CTNNA3: variants seen among roughly 807,000 people sequenced by gnomAD.
The protein encoded by CTNNA3 is catenin alpha-3.
CTNNA3 carries 76 observed loss-of-function variants against 95.7 expected under a neutral mutation model. That is an observed-to-expected ratio of 0.79 (90% confidence interval 0.66 to 0.96). The LOEUF is 0.96. Among genes scored for constraint, CTNNA3 ranks in the 40% least tolerant of loss-of-function variants. CTNNA3 has a pLI of 0.00. For missense variants in CTNNA3, 1,191 were observed against 1,089.8 expected (o/e 1.09, Z -1.31); for synonymous variants, 431 against 374.4 (o/e 1.15, Z -1.74).
At chr10:67,680,395 T>C (rs1389468629) in intron 1 of CTNNA3, among the ~76,000 whole-genome samples, 1 of 152,176 alleles carries the variant, frequency 6.6e-6, no homozygotes, top group East Asian at 1.9e-4. Context: ...GAGCAATAAA[T>C]TGACTGAAAT....
At chr10:65,965,820 A>G (rs1274954257) in intron 17 of CTNNA3, among the ~76,000 whole-genome samples, 2 of 152,176 alleles carry the variant, frequency 1.3e-5, no homozygotes, top group African/African-American at 2.4e-5. Context: ...TTACAGACAT[A>G]TAAATATACT....
chr10:67,368,914 T>C (rs1223080366), intron 5 of CTNNA3, among the ~76,000 whole-genome samples: 3 of 152,112 alleles, frequency 2.0e-5, no homozygotes, highest in Non-Finnish European at 4.4e-5. Context: ...GAGAAAACTT[T>C]AGGGAGAGAT....
intron 13 of CTNNA3, among the ~76,000 whole-genome samples, chr10:66,127,210 T>A (rs2082868889): frequency 6.9e-6 from 1 of 145,690 alleles, no homozygotes; most frequent in Admixed American, 7.1e-5. Context: ...AGGCGGAGCT[T>A]GCAGTGAGCT....
chr10:67,199,433 A>C (rs1863532878), intron 6 of CTNNA3, among the ~76,000 whole-genome samples: 6 of 151,942 alleles, frequency 3.9e-5, no homozygotes, highest in Admixed American at 3.9e-4. Flanking sequence ...GCAGTGGCGC[A>C]TTCTTGGCTC....
intron 15 of CTNNA3, among the ~76,000 whole-genome samples, chr10:66,039,397 A>T (rs1041239725): frequency 6.6e-6 from 1 of 152,210 alleles, no homozygotes; most frequent in Admixed American, 6.5e-5. Flanking sequence ...TTTGAAATTC[A>T]TATGAAACCA....
chr10:67,242,318 A>G (rs539568517), intron 5 of CTNNA3, among the ~76,000 whole-genome samples: 1 of 152,348 alleles, frequency 6.6e-6, no homozygotes, highest in East Asian at 1.9e-4. Flanking sequence ...GAATATTTCA[A>G]TCTAACTTTG....
At chr10:66,806,988 G>T (rs1431245961) in intron 7 of CTNNA3, among the ~76,000 whole-genome samples, 2 of 152,094 alleles carry the variant, frequency 1.3e-5, no homozygotes, top group African/African-American at 4.8e-5. Context: ...AAAACACAGA[G>T]AATAGGATGA....
chr10:66,248,187 A>G (rs2090412721), intron 13 of CTNNA3, among the ~76,000 whole-genome samples: 1 of 152,162 alleles, frequency 6.6e-6, no homozygotes. Context: ...GTTTAAAATA[A>G]TAGATTATAA....
chr10:67,102,985 G>GTCTTTA (rs1858427487), intron 7 of CTNNA3, among the ~76,000 whole-genome samples: 1 of 151,588 alleles, frequency 6.6e-6, no homozygotes, highest in Non-Finnish European at 1.5e-5. Context: ...AATTTTATTT[G>GTCTTTA]TTTAAACTTT....
intron 12 of CTNNA3, among the ~76,000 whole-genome samples, chr10:66,349,779 T>A (rs1040831970): frequency 1.3e-5 from 2 of 152,100 alleles, no homozygotes; most frequent in Non-Finnish European, 2.9e-5. Flanking sequence ...GGTGGTTTTA[T>A]GGTCATAAGT....
chr10:67,012,075 G>A (rs1479309200), intron 7 of CTNNA3, among the ~76,000 whole-genome samples: 1 of 152,120 alleles, frequency 6.6e-6, no homozygotes, highest in Non-Finnish European at 1.5e-5. Context: ...AAAATCACAA[G>A]CTCCGTAGAT....
chr10:67,502,671 G>C (rs369646689), intron 5 of CTNNA3, among the ~76,000 whole-genome samples: 1 of 152,232 alleles, frequency 6.6e-6, no homozygotes, highest in Non-Finnish European at 1.5e-5. Context: ...CCTGCCCAGA[G>C]AGGAGGAATC....
intron 11 of CTNNA3, among the ~76,000 whole-genome samples, chr10:66,493,396 C>T (rs1036560905): frequency 1.3e-5 from 2 of 152,052 alleles, no homozygotes; most frequent in Non-Finnish European, 2.9e-5. Context: ...TTTCTAAACT[C>T]ATAAGAGCTG....
intron 7 of CTNNA3, among the ~76,000 whole-genome samples, chr10:67,052,310 A>ATC (rs1238182355): frequency 4.7e-4 from 44 of 92,826 alleles, no homozygotes; most frequent in African/African-American, 1.9e-3. Flanking sequence ...ACACCCACTC[A>ATC]TCACTCTCTC....
chr10:66,490,652 G>A (rs1220713500), intron 11 of CTNNA3, among the ~76,000 whole-genome samples: 1 of 152,178 alleles, frequency 6.6e-6, no homozygotes, highest in African/African-American at 2.4e-5. Context: ...AAATGTGTCA[G>A]TTCTCTCAGA....
chr10:66,705,978 A>G (rs1323523675), intron 9 of CTNNA3, among the ~76,000 whole-genome samples: 1 of 152,084 alleles, frequency 6.6e-6, no homozygotes, highest in Non-Finnish European at 1.5e-5. Flanking sequence ...TAGAAAATAC[A>G]TCTTCTCAGT....
intron 7 of CTNNA3, among the ~76,000 whole-genome samples, chr10:66,838,037 A>G (rs988643534): frequency 6.6e-6 from 1 of 152,042 alleles, no homozygotes; most frequent in Non-Finnish European, 1.5e-5. Flanking sequence ...TCCCTCATTC[A>G]CTGCATCACC....
At chr10:67,070,364 T>C (rs1476017070) in intron 7 of CTNNA3, among the ~76,000 whole-genome samples, 1 of 152,192 alleles carries the variant, frequency 6.6e-6, no homozygotes, top group East Asian at 1.9e-4. Flanking sequence ...TTCATTCTCT[T>C]AATGGTATGT....
intron 7 of CTNNA3, among the ~76,000 whole-genome samples, chr10:67,038,151 A>G (rs773255229): frequency 1.3e-5 from 2 of 152,130 alleles, no homozygotes; most frequent in Non-Finnish European, 2.9e-5. Flanking sequence ...GCAAGTTATT[A>G]TATTTATAAA....
Sources: allele counts gnomAD v4.1 joint callset (sites outside exome capture counted in the v4.1 genomes callset), GRCh38; gene constraint gnomAD v4.1.1; transcripts MANE v1.5; gene names NCBI Gene and HGNC (gene_info 2026-07-23, HGNC 2026-07-21).